Variants in CCDC60 observed in about 807,000 individuals in gnomAD.
The protein encoded by CCDC60 is coiled-coil domain-containing protein 60.
In CCDC60, 54 loss-of-function variants were observed where a neutral mutation model predicts 63.5. The ratio of observed to expected loss-of-function variants is 0.85; its 90% CI spans 0.68 to 1.07. CCDC60 has a LOEUF of 1.07. Ranked by LOEUF, CCDC60 falls within the 50% of genes least tolerant of loss-of-function variation. CCDC60 has a pLI of 0.00. For synonymous variants in CCDC60, 206 were observed against 238.8 expected (o/e 0.86, Z 1.27); for missense variants, 651 against 684.3 (o/e 0.95, Z 0.54).
intron 1 of CCDC60, among the ~76,000 whole-genome samples, chr12:119,364,507 T>C (rs1327818752): frequency 6.6e-6 from 1 of 152,208 alleles, no homozygotes; most frequent in African/African-American, 2.4e-5. Flanking sequence ...GTCTAGCTTC[T>C]TTCATCCAAC....
Position 119,335,226 on chromosome 12 carries a change from G to A in CCDC60, c.50G>A (p.Gly17Glu), listed in dbSNP as rs147935002. Residue 17 changes from glycine to glutamate, a missense_variant, in exon 1 of 14, where the codon GGG becomes GAG. Physicochemically the swap from Gly to Glu is moderately conservative, Grantham distance 98. Coordinates refer to ENST00000327554, the MANE Select transcript of CCDC60 (RefSeq NM_178499.5). ...AAGCTTCAGAGTTCCCCCAACTCGG[G>A]GGCTGTCCGGCCCTTTTATGCCTCG... ...TKKLQSSPNS[G>E]AVRPFYASEN... 17 of 1,605,650 alleles carry A rather than the reference G, an allele frequency of 1.1e-5. No individual in the cohort carries two copies. The highest frequency in any genetic ancestry group is 1.7e-4 in the Middle Eastern group (1 of 6,060).
chr12:119,522,885 C>T, intron 9 of CCDC60, 54 bp from the exon 10 acceptor site: 6 of 1,567,954 alleles, frequency 3.8e-6, no homozygotes, highest in Non-Finnish European at 5.3e-6. Flanking sequence ...TGGGGGCACC[C>T]TTTTCTTGAA....
At chr12:119,374,184 C>A (rs1324665893) in intron 1 of CCDC60, among the ~76,000 whole-genome samples, 3 of 152,130 alleles carry the variant, frequency 2.0e-5, no homozygotes, top group Non-Finnish European at 4.4e-5. Flanking sequence ...AGACTTTCAT[C>A]TAGAGACTTA....
intron 1 of CCDC60, among the ~76,000 whole-genome samples, chr12:119,354,767 A>C (rs1049333092): frequency 9.9e-5 from 15 of 152,216 alleles, no homozygotes; most frequent in African/African-American, 3.6e-4. Context: ...CTGCTGCTCC[A>C]ACCAGGGTCA....
intron 1 of CCDC60, among the ~76,000 whole-genome samples, chr12:119,368,118 GGAAAGAA>G (rs1955861007): frequency 7.4e-6 from 1 of 134,580 alleles, no homozygotes; most frequent in African/African-American, 2.8e-5. Context: ...AGGAGGAGAA[GGAAAGAA>G]GGAAGAAGGA....
In CCDC60 at chr12:119,505,167, T is replaced by G. The variant is rs768471441; in HGVS notation, c.747T>G (p.Ser249=). 4.0e-5 allele frequency: 64 copies of G among 1,613,788 alleles called. No homozygotes were observed. Among genetic ancestry groups the G allele is most frequent in the Non-Finnish European group, 5.3e-5 (62 of 1,179,938 alleles). ...TGAGTCGGGCCAGTGGGGGGTCCTC[T>G]CCCCAGAGCAGCATGATCTCTGTGA... ...LSLSRASGGS[S]PQSSMISVNP... Residue 249 remains serine, a synonymous_variant, in exon 7 of 14, where the codon TCT becomes TCG. Transcript: ENST00000327554.
chr12:119,491,786 CA>C (rs1243665999), intron 5 of CCDC60, among the ~76,000 whole-genome samples: 1 of 151,758 alleles, frequency 6.6e-6, no homozygotes, highest in Non-Finnish European at 1.5e-5. Context: ...CTCCTGACAG[CA>C]TTTCATCTCC....
chr12:119,462,568 C>A (rs1045915871), intron 2 of CCDC60, among the ~76,000 whole-genome samples: 18 of 152,106 alleles, frequency 1.2e-4, no homozygotes, highest in African/African-American at 4.1e-4. Context: ...TGAAAAAAAT[C>A]TCTTACCAAC....
At chr12:119,425,680 G>A (rs907636839) in intron 1 of CCDC60, among the ~76,000 whole-genome samples, 1 of 152,230 alleles carries the variant, frequency 6.6e-6, no homozygotes, top group South Asian at 2.1e-4. Context: ...TCATGGGCAC[G>A]AAATGGCTGC....
intron 8 of CCDC60, among the ~76,000 whole-genome samples, chr12:119,518,720 G>A (rs1952418141): frequency 6.6e-6 from 1 of 152,126 alleles, no homozygotes; most frequent in Non-Finnish European, 1.5e-5. Context: ...GGTTGGTGGT[G>A]GGGATGGTGG....
At chr12:119,536,650 G>T (rs539099107) in intron 13 of CCDC60, among the ~76,000 whole-genome samples, 41 of 152,218 alleles carry the variant, frequency 2.7e-4, no homozygotes, top group Non-Finnish European at 4.3e-4. Context: ...GTCTGTAAAG[G>T]ATTTTATTTC....
At chr12:119,404,807 C>G (rs140949833) in intron 1 of CCDC60, among the ~76,000 whole-genome samples, 103 of 152,230 alleles carry the variant, frequency 6.8e-4, no homozygotes, top group African/African-American at 2.4e-3. Flanking sequence ...CCCTTAGAGA[C>G]AAAGATCCTC....
chr12:119,419,741 A>G (rs1324191155), intron 1 of CCDC60, among the ~76,000 whole-genome samples: 1 of 151,802 alleles, frequency 6.6e-6, no homozygotes, highest in Non-Finnish European at 1.5e-5. Context: ...TGTCTCCCCT[A>G]AGTTCTCAGT....
In CCDC60 at chr12:119,398,094, A is replaced by AGGGGGTGGT. The variant is rs1233119327; in HGVS notation, c.91-30584_91-30583insTGGTGGGGG. Among the ~76,000 whole-genome samples, 6 of 38,776 alleles carry AGGGGGTGGT rather than the reference A, an allele frequency of 1.5e-4. No homozygotes were observed. The East Asian group carries it at 3.0e-3, about 19-fold the overall frequency. 25.4% of individuals were successfully genotyped at this position (38,776 alleles called of 152,430 possible). A position where few individuals can be genotyped will look rare whatever the true frequency, so the allele number is the denominator to read the frequency against. ...AGAGGAAGGGGCCGCGGGGGGAGGA[A>AGGGGGTGGT]GGGGGCGGTGTGGGGGGAGGAAGGG... is the stretch of plus-strand genomic sequence containing the variant. On this transcript the variant is annotated intron_variant, in intron 1 of 13. Coordinates refer to ENST00000327554, the MANE Select transcript of CCDC60 (RefSeq NM_178499.5).
intron 2 of CCDC60, among the ~76,000 whole-genome samples, chr12:119,446,376 G>A (rs2041355381): frequency 6.6e-6 from 1 of 152,124 alleles, no homozygotes; most frequent in South Asian, 2.1e-4. Context: ...TATGTTCAGG[G>A]CAAGACTGCC....
intron 1 of CCDC60, among the ~76,000 whole-genome samples, chr12:119,341,711 G>A (rs1204315719): frequency 2.0e-5 from 3 of 152,200 alleles, no homozygotes; most frequent in African/African-American, 7.2e-5. Flanking sequence ...ATGAAGTCTA[G>A]AGGAAACTGA....
chr12:119,486,698 A>C (rs923618208), intron 4 of CCDC60, among the ~76,000 whole-genome samples: 18 of 152,134 alleles, frequency 1.2e-4, no homozygotes, highest in Admixed American at 9.8e-4. Context: ...ACCCTAGTAC[A>C]CAGAGGTGAG....
At chr12:119,527,202 A>G (rs565351346) in intron 11 of CCDC60, among the ~76,000 whole-genome samples, 26 of 152,338 alleles carry the variant, frequency 1.7e-4, no homozygotes, top group African/African-American at 6.3e-4. Context: ...TGTAAGTGGA[A>G]GCTAAATGAT....
Position 119,456,023 on chromosome 12 carries a change from GAAA to G in CCDC60, c.171-15970_171-15968del, listed in dbSNP as rs1950734267. ...AAAGAGAAAGAAAGAAAGAAAGAAA[GAAA>G]GAAAGAAAGAAAGAAAGAAAGAAAG... On this transcript the variant is annotated intron_variant, in intron 2 of 13. Coordinates refer to ENST00000327554, the MANE Select transcript of CCDC60 (RefSeq NM_178499.5). This position sits in a 1 kb window ranked among gnomAD's most constrained non-coding sequence, Gnocchi z 4.6. Among the ~76,000 whole-genome samples, 1 of 129,656 alleles carries G rather than the reference GAAA, an allele frequency of 7.7e-6. No individual in the cohort carries two copies. The highest frequency in any genetic ancestry group is 1.6e-5 in the Non-Finnish European group (1 of 61,674). 85.1% of individuals were successfully genotyped at this position (129,656 alleles called of 152,430 possible).
Sources: allele counts gnomAD v4.1 joint callset (sites outside exome capture counted in the v4.1 genomes callset), GRCh38; gene constraint gnomAD v4.1.1; non-coding constraint Gnocchi (gnomAD v3.1); transcripts MANE v1.5; gene names NCBI Gene and HGNC (gene_info 2026-07-23, HGNC 2026-07-21).